Variants in ZNF540 observed in about 807,000 individuals in gnomAD.
ZNF540 encodes zinc finger protein 540.
Under a neutral mutation model 11.8 loss-of-function variants are expected in ZNF540, and 3 were observed. That is an observed-to-expected ratio of 0.25 (90% confidence interval 0.12 to 0.65). The LOEUF is 0.65. ZNF540 is among the 30% of genes least tolerant of loss of function. The pLI, the probability that ZNF540 is intolerant of heterozygous loss-of-function variation, is 0.83. For missense variants in ZNF540, 709 were observed against 793.1 expected, an observed-to-expected ratio of 0.89 and a Z score of 1.27; for synonymous variants, 247 against 259.0, an observed-to-expected ratio of 0.95 and a Z score of 0.45.
At chr19:37,564,522 A>G in intron 1 of ZNF540, 1 of 1,350,422 alleles carries the variant, frequency 7.4e-7, no homozygotes, top group Admixed American at 2.7e-5. Context: ...TCTGAGCAGA[A>G]GCAAGATGTT....
At chr19:37,578,575 G>T (rs1027854677) in intron 1 of ZNF540, among the ~76,000 whole-genome samples, 2 of 152,190 alleles carry the variant, frequency 1.3e-5, no homozygotes, top group Admixed American at 6.5e-5. Flanking sequence ...AGTGGAAGCC[G>T]CAGTCACAGT....
intron 1 of ZNF540, chr19:37,585,228 A>G (rs1183652137): frequency 2.6e-5 from 4 of 152,252 alleles, no homozygotes; most frequent in African/African-American, 9.6e-5. Flanking sequence ...AGGCAGAATA[A>G]AGGCCCCCCA....
intron 1 of ZNF540, among the ~76,000 whole-genome samples, chr19:37,552,441 A>G (rs138056369): frequency 1.3e-5 from 2 of 152,170 alleles, no homozygotes; most frequent in Non-Finnish European, 2.9e-5. Context: ...TATACTTTTA[A>G]AAGTTAATGA....
Position 37,569,968 on chromosome 19 carries a change from AG to A in ZNF540, c.-73+18304del, listed in dbSNP as rs2042997362. ...GTAAGACAGCCACTCCACCCACTGCAGTCTACAAGGAAAGCCTCCATAGCTG... is the reference window on the plus strand; with the variant it reads ...GTAAGACAGCCACTCCACCCACTGCATCTACAAGGAAAGCCTCCATAGCTG... On this transcript the variant is annotated intron_variant, in intron 1 of 4. Coordinates refer to the ZNF540 transcript ENST00000592533. The surrounding 1 kb of genome is among the most constrained non-coding windows in gnomAD (Gnocchi z 4.4). 1 of 152,236 alleles carries A rather than the reference AG, an allele frequency of 6.6e-6. No homozygotes were observed. Among genetic ancestry groups the A allele is most frequent in the Non-Finnish European group, 1.5e-5 (1 of 68,068 alleles). The allele number at this position is 152,236 out of a possible 1,614,324, so 9.4% of individuals were successfully genotyped here. A position where few individuals can be genotyped will look rare whatever the true frequency, so the allele number is the denominator to read the frequency against.
Position 37,613,377 on chromosome 19 carries a change from T to A in ZNF540, c.*114T>A, listed in dbSNP as rs1312621171. ...TACACATATTAACTTAATAAATGTA[T>A]GAGTCTTAAATACCTCTTAGTTCTC... On this transcript the variant is annotated 3_prime_UTR_variant, in exon 5 of 5. Transcript: ENST00000316433. 3 of 762,642 alleles carry A rather than the reference T, an allele frequency of 3.9e-6. No individual in the cohort carries two copies. Among genetic ancestry groups the A allele is most frequent in the Non-Finnish European group, 5.8e-6 (3 of 518,808 alleles). The allele number at this position is 762,642 out of a possible 1,614,324, so 47.2% of individuals were successfully genotyped here.
chr19:37,557,705 G>A (rs762079494), intron 1 of ZNF540, among the ~76,000 whole-genome samples: 3 of 152,156 alleles, frequency 2.0e-5, no homozygotes, highest in African/African-American at 4.8e-5. Context: ...TTTAAACACC[G>A]TGTGGAAGAG....
Position 37,613,289 on chromosome 19 carries a change from C to T in ZNF540, c.*26C>T. The T allele has an allele frequency of 1.4e-6, 2 of 1,425,088 alleles. No individual in the cohort carries two copies. The highest frequency in any genetic ancestry group is 2.0e-4 in the Middle Eastern group (1 of 5,078). 88.3% of individuals were successfully genotyped at this position (1,425,088 alleles called of 1,614,324 possible). A position where few individuals can be genotyped will look rare whatever the true frequency, so the allele number is the denominator to read the frequency against. On this transcript the variant is annotated 3_prime_UTR_variant, in exon 5 of 5. Transcript: ENST00000316433. ...TATAAGAAAAGGTTTCCATGTCATG[C>T]TCTATTTATAGAATATCAAAATATT...
intron 1 of ZNF540, among the ~76,000 whole-genome samples, chr19:37,557,033 T>A (rs2042667419): frequency 6.6e-6 from 1 of 152,192 alleles, no homozygotes; most frequent in South Asian, 2.1e-4. Flanking sequence ...GCAGCCCATA[T>A]CGAGGGATGA....
In ZNF540 at chr19:37,597,313, T is replaced by C. The variant is rs533345185; in HGVS notation, c.-72-1063T>C. On this transcript the variant is annotated intron_variant, in intron 1 of 4. Coordinates refer to ENST00000316433, the MANE Select transcript of ZNF540 (RefSeq NM_001172225.3). ...GGGGAGTGGTGAGCCCTGAGGATTG[T>C]GGGAGTTCCAGTTCAGGCTAGGAAA... 3 of 152,210 alleles carry C rather than the reference T, an allele frequency of 2.0e-5. No homozygotes were observed. In the South Asian group the frequency reaches 6.2e-4, roughly 32 times the overall value. 9.4% of individuals were successfully genotyped at this position (152,210 alleles called of 1,614,324 possible).
At chr19:37,608,415 T>C (rs1473343012) in intron 4 of ZNF540, among the ~76,000 whole-genome samples, 1 of 152,240 alleles carries the variant, frequency 6.6e-6, no homozygotes, top group Admixed American at 6.5e-5. Context: ...TCTGTTTTCA[T>C]TATCCATCTG....
chr19:37,599,230 TTC>T (rs2044020378), intron 2 of ZNF540, among the ~76,000 whole-genome samples: 1 of 152,178 alleles, frequency 6.6e-6, no homozygotes, highest in African/African-American at 2.4e-5. Flanking sequence ...GGATATAGGA[TTC>T]TTTTTTATGT....
At chr19:37,598,522 C>T in intron 2 of ZNF540, 66 bp downstream of exon 2, 1 of 1,560,774 alleles carries the variant, frequency 6.4e-7, no homozygotes, top group South Asian at 1.1e-5. Context: ...AACATTTTCA[C>T]TCTTTATGCT....
At chr19:37,608,020 T>C (rs2044098002) in intron 4 of ZNF540, among the ~76,000 whole-genome samples, 1 of 152,204 alleles carries the variant, frequency 6.6e-6, no homozygotes, top group Non-Finnish European at 1.5e-5. Flanking sequence ...TGTGAAGTGG[T>C]ATCTCGTTGT....
In ZNF540 at chr19:37,612,190, T is replaced by C. The variant is rs754442804; in HGVS notation, c.910T>C (p.Cys304Arg). The C allele has an allele frequency of 1.2e-6, 2 of 1,612,024 alleles. No individual in the cohort carries two copies. Among genetic ancestry groups the C allele is most frequent in the South Asian group, 1.1e-5 (1 of 90,800 alleles). ...TGKKSYECKE[C>R]GKVFQLIFYF... is the part of the protein sequence containing the mutation. ...TAAGAAATCTTATGAATGTAAAGAA[T>C]GTGGAAAAGTTTTTCAACTTATTTT... is the stretch of plus-strand genomic sequence containing the variant. The change falls in exon 5 of 5, where the codon TGT becomes CGT. Residue 304 changes from cysteine (C) to arginine (R), a missense_variant. By Grantham distance (180) the Cys-to-Arg change is radical. Coordinates refer to ENST00000316433, the MANE Select transcript of ZNF540 (RefSeq NM_001172225.3).
chr19:37,563,978 C>G (rs2042763933), intron 1 of ZNF540: 1 of 152,144 alleles, frequency 6.6e-6, no homozygotes. Context: ...TAATCTTTCA[C>G]TTTCTTAAAA....
intron 1 of ZNF540, among the ~76,000 whole-genome samples, chr19:37,577,206 C>A (rs543571953): frequency 6.6e-6 from 1 of 152,170 alleles, no homozygotes; most frequent in Non-Finnish European, 1.5e-5. Flanking sequence ...CCTTTCATCA[C>A]CCTCCTCAAA....
At chr19:37,598,343 C>T in intron 1 of ZNF540, 33 bp from the exon 2 acceptor site, 1 of 1,119,918 alleles carries the variant, frequency 8.9e-7, no homozygotes, top group South Asian at 1.3e-5. Flanking sequence ...CAGACCTAGT[C>T]TCACTGTCTC....
intron 1 of ZNF540, among the ~76,000 whole-genome samples, chr19:37,587,605 T>C (rs1448012479): frequency 6.6e-6 from 1 of 152,082 alleles, no homozygotes; most frequent in Non-Finnish European, 1.5e-5. Context: ...TTTTTTTTTT[T>C]TGGTAGCATT....
rs537775319 is a variant in ZNF540, at chr19:37,583,332, A to T, written c.-72-15044A>T. On this transcript the variant is annotated intron_variant, in intron 1 of 4. Transcript: ENST00000592533. The stretch of plus-strand genomic sequence containing the variant: ...AAACGTAATTCAAAAAATAGATAAA[A>T]GCATTGTCCCCAAAAGAGATCAGAC... Among the ~76,000 whole-genome samples the T allele has an allele frequency of 3.3e-5, 5 of 152,364 alleles. No individual in the cohort carries two copies. The East Asian group carries it at 9.6e-4, about 29-fold the overall frequency.
Sources: allele counts gnomAD v4.1 joint callset (sites outside exome capture counted in the v4.1 genomes callset), GRCh38; gene constraint gnomAD v4.1.1; non-coding constraint Gnocchi (gnomAD v3.1); transcripts MANE v1.5; gene names NCBI Gene and HGNC (gene_info 2026-07-23, HGNC 2026-07-21).